Variants in DDAH1 observed in about 807,000 individuals in gnomAD.
The protein encoded by DDAH1 is N(G),N(G)-dimethylarginine dimethylaminohydrolase 1.
A neutral mutation model predicts 28.8 loss-of-function variants in DDAH1; 19 were observed. The ratio of observed to expected loss-of-function variants is 0.66; its 90% CI spans 0.46 to 0.97. The LOEUF (loss-of-function observed/expected upper bound fraction) is 0.97. Ranked by LOEUF, DDAH1 falls within the 50% of genes least tolerant of loss-of-function variation. DDAH1 has a pLI of 0.00. For synonymous variants in DDAH1, 153 were observed against 154.4 expected (o/e 0.99, Z 0.07); for missense variants, 326 against 375.9 (o/e 0.87, Z 1.10).
intron 1 of DDAH1, among the ~76,000 whole-genome samples, chr1:85,390,121 C>T (rs893453023): frequency 6.6e-6 from 1 of 152,198 alleles, no homozygotes; most frequent in African/African-American, 2.4e-5. Context: ...CCTCAGTGTC[C>T]TCACCCTATT....
At chr1:85,327,079 A>G (rs17126044) in intron 4 of DDAH1, among the ~76,000 whole-genome samples, 10 of 152,188 alleles carry the variant, frequency 6.6e-5, no homozygotes, top group African/African-American at 2.4e-4. Flanking sequence ...AAACACAATA[A>G]TAGCAGCTTC....
intron 1 of DDAH1, among the ~76,000 whole-genome samples, chr1:85,563,628 A>G (rs2100806433): frequency 6.6e-6 from 1 of 152,362 alleles, no homozygotes; most frequent in South Asian, 2.1e-4. Flanking sequence ...TTCACAATGT[A>G]TGACATCCAC....
chr1:85,546,691 G>C (rs1658637401), intron 1 of DDAH1, among the ~76,000 whole-genome samples: 1 of 151,972 alleles, frequency 6.6e-6, no homozygotes, highest in Non-Finnish European at 1.5e-5. Context: ...ATTACTTATA[G>C]GCTTATGATT....
chr1:85,458,262 T>C lies in DDAH1; in HGVS notation c.303+6481A>G, dbSNP rs56300653. Among the ~76,000 whole-genome samples the C allele has an allele frequency of 2.2e-3, 329 of 152,298 alleles. 1 individual carries two copies. Among genetic ancestry groups the C allele is most frequent in the Non-Finnish European group, 3.8e-3 (256 of 68,020 alleles). Reference sequence around the variant, plus strand: ...GCTGATTCCTCTTGTCATAGTTGCTTGGATAATCTAAACATTTAGCAACAA... The same window carrying C: ...GCTGATTCCTCTTGTCATAGTTGCTCGGATAATCTAAACATTTAGCAACAA... On this transcript the variant is annotated intron_variant, in intron 1 of 5. Transcript: ENST00000284031.
chr1:85,422,726 T>C (rs560696216), intron 1 of DDAH1, among the ~76,000 whole-genome samples: 2 of 152,076 alleles, frequency 1.3e-5, no homozygotes, highest in Admixed American at 6.6e-5. Flanking sequence ...CCCAGTGTGG[T>C]GATATTTAGA....
At chr1:85,490,828 T>C (rs1656368503) in intron 2 of DDAH1, among the ~76,000 whole-genome samples, 1 of 152,216 alleles carries the variant, frequency 6.6e-6, no homozygotes, top group African/African-American at 2.4e-5. Context: ...AAAATTATGA[T>C]AGGCCTCCCT....
chr1:85,414,981 G>A (rs1249783482), intron 1 of DDAH1, among the ~76,000 whole-genome samples: 6 of 136,760 alleles, frequency 4.4e-5, no homozygotes, highest in Non-Finnish European at 9.4e-5. Flanking sequence ...TGACTTTAAC[G>A]AAAATCAAAT....
intron 1 of DDAH1, among the ~76,000 whole-genome samples, chr1:85,496,444 T>C (rs1656597771): frequency 6.6e-6 from 1 of 152,258 alleles, no homozygotes. Flanking sequence ...GAAAGATGAC[T>C]TTAACTCACA....
Position 85,471,576 on chromosome 1 carries a change from A to C in DDAH1, c.-7+24590T>G, listed in dbSNP as rs796273898. ...TGTGACAGCATATACAAAGGATCTG[A>C]GCATTGCTTCTAGGACACAGTAAAT... is the stretch of plus-strand genomic sequence containing the variant. On this transcript the variant is annotated intron_variant, in intron 2 of 6. Coordinates refer to the DDAH1 transcript ENST00000426972. Among the ~76,000 whole-genome samples, 39 of 152,190 alleles carry C rather than the reference A, an allele frequency of 2.6e-4. 1 individual carries two copies. Among genetic ancestry groups the C allele is most frequent in the African/African-American group, 8.2e-4 (34 of 41,432 alleles).
chr1:85,461,988 C>G (rs1655143751), intron 1 of DDAH1, among the ~76,000 whole-genome samples: 1 of 152,260 alleles, frequency 6.6e-6, no homozygotes, highest in East Asian at 1.9e-4. Flanking sequence ...CTCTCCAGGC[C>G]TCAGTTTCAC....
chr1:85,568,213 A>G (rs1278172750), intron 1 of DDAH1, among the ~76,000 whole-genome samples: 1 of 152,234 alleles, frequency 6.6e-6, no homozygotes, highest in Non-Finnish European at 1.5e-5. Flanking sequence ...TATAATAGAG[A>G]GAAAATGTTT....
chr1:85,572,860 T>G (rs1659499699), intron 1 of DDAH1, among the ~76,000 whole-genome samples: 1 of 152,176 alleles, frequency 6.6e-6, no homozygotes, highest in African/African-American at 2.4e-5. Context: ...ATTTGAGTGG[T>G]TTTTTAGATA....
At position 85,465,135 on chromosome 1, in the gene DDAH1, G is replaced by C; in HGVS notation, c.-90C>G. On this transcript the variant is annotated 5_prime_UTR_variant, in exon 1 of 6. Transcript: ENST00000284031. ...GCGCTGAGCCTGCGAGCGCCCGTCG[G>C]CTCCTCTTGGCAGCCGCTGAATGTG... is the stretch of plus-strand genomic sequence containing the variant. 8.6e-7 allele frequency: 1 copy of C among 1,166,604 alleles called. No individual in the cohort carries two copies. The highest frequency in any genetic ancestry group is 1.1e-6 in the Non-Finnish European group (1 of 946,890). 72.3% of individuals were successfully genotyped at this position (1,166,604 alleles called of 1,614,324 possible). A position where few individuals can be genotyped will look rare whatever the true frequency, so the allele number is the denominator to read the frequency against.
chr1:85,364,715 T>C (rs1260089364), intron 1 of DDAH1, among the ~76,000 whole-genome samples: 1 of 152,156 alleles, frequency 6.6e-6, no homozygotes, highest in Admixed American at 6.5e-5. Flanking sequence ...CGGCTAATTT[T>C]GTATTTTTAG....
At chr1:85,495,584 A>C (rs1429806992) in intron 2 of DDAH1, 1 of 152,242 alleles carries the variant, frequency 6.6e-6, no homozygotes, top group Non-Finnish European at 1.5e-5. Context: ...TGCCATGATC[A>C]GCTGGAATGA....
At chr1:85,325,367 G>GCACA (rs569040999) in intron 4 of DDAH1, among the ~76,000 whole-genome samples, 13 of 143,808 alleles carry the variant, frequency 9.0e-5, no homozygotes, top group Admixed American at 4.8e-4. Flanking sequence ...GCGCGCGCGC[G>GCACA]CACACACACA....
At chr1:85,350,362 C>A in intron 4 of DDAH1, 53 bp downstream of exon 4, 1 of 1,588,450 alleles carries the variant, frequency 6.3e-7, no homozygotes, top group Non-Finnish European at 8.6e-7. Flanking sequence ...ATGTGAAAAA[C>A]CCTGTGGCAG....
chr1:85,475,298 G>T (rs988898323), intron 2 of DDAH1, among the ~76,000 whole-genome samples: 1 of 152,186 alleles, frequency 6.6e-6, no homozygotes, highest in African/African-American at 2.4e-5. Flanking sequence ...CTCAACAAAC[G>T]TTAGCCACTT....
intron 1 of DDAH1, among the ~76,000 whole-genome samples, chr1:85,504,102 T>C (rs1232881798): frequency 2.0e-5 from 3 of 152,196 alleles, no homozygotes; most frequent in Non-Finnish European, 4.4e-5. Flanking sequence ...GGCTGCATTG[T>C]AGGGAAGCAA....
Sources: gnomAD v4.1 joint callset for allele counts (sites outside exome capture counted in the v4.1 genomes callset) on GRCh38, gnomAD v4.1.1 for gene constraint, MANE v1.5 for transcripts, NCBI Gene and HGNC (gene_info 2026-07-23, HGNC 2026-07-21) for gene names.